The following CDH20 variants were observed in gnomAD, a reference collection of about 807,000 sequenced individuals.
CDH20 encodes cadherin-20.
Under a neutral mutation model 74.2 loss-of-function variants are expected in CDH20, and 29 were observed. That is an observed-to-expected ratio of 0.39 (90% CI 0.29 to 0.53). The LOEUF (loss-of-function observed/expected upper bound fraction) is 0.53. Among genes scored for constraint, CDH20 ranks in the 20% least tolerant of loss-of-function variants. CDH20 has a pLI of 0.69. For missense variants in CDH20, 988 were observed against 1,048.3 expected, an observed-to-expected ratio of 0.94 and a Z score of 0.79; for synonymous variants, 469 against 405.4, an observed-to-expected ratio of 1.16 and a Z score of -1.88.
intron 6 of CDH20, among the ~76,000 whole-genome samples, chr18:61,507,950 ATTAT>A (rs2144331338): frequency 6.6e-6 from 1 of 152,316 alleles, no homozygotes; most frequent in South Asian, 2.1e-4. Flanking sequence ...AAGCCATAAT[ATTAT>A]TTATGAATCA....
intron 1 of CDH20, among the ~76,000 whole-genome samples, chr18:61,441,059 T>C (rs758724957): frequency 6.6e-6 from 1 of 152,178 alleles, no homozygotes; most frequent in Admixed American, 6.5e-5. Flanking sequence ...ATAGTGAACA[T>C]TTACAGTAAA....
At chr18:61,450,033 C>T (rs561344442) in intron 1 of CDH20, among the ~76,000 whole-genome samples, 13 of 152,056 alleles carry the variant, frequency 8.5e-5, no homozygotes, top group South Asian at 8.3e-4. Flanking sequence ...ACGCAATCCC[C>T]GCAACAAATC....
At chr18:61,441,529 C>G (rs1037731206) in intron 1 of CDH20, among the ~76,000 whole-genome samples, 1 of 152,018 alleles carries the variant, frequency 6.6e-6, no homozygotes, top group Non-Finnish European at 1.5e-5. Flanking sequence ...TAAATATAGA[C>G]TTTACACACA....
At position 61,490,394 on chromosome 18, in the gene CDH20, C is replaced by T; in HGVS notation, c.-152-8C>T. 1.4e-6 allele frequency: 1 copy of T among 698,164 alleles called. No homozygotes were observed. The highest frequency in any genetic ancestry group is 2.4e-6 in the Non-Finnish European group (1 of 419,748). 43.2% of individuals were successfully genotyped at this position (698,164 alleles called of 1,614,324 possible). On this transcript the variant is annotated splice_region_variant and splice_polypyrimidine_tract_variant and intron_variant, in intron 1 of 11. Coordinates refer to ENST00000262717, the MANE Select transcript of CDH20 (RefSeq NM_031891.4). Reference sequence around the variant, plus strand: ...CATCATCACACTGTGTTTTCCTTAACTTGACAGGAAGTCAACTTCAAGCAG... The same window carrying T: ...CATCATCACACTGTGTTTTCCTTAATTTGACAGGAAGTCAACTTCAAGCAG...
At chr18:61,364,072 A>G (rs941331508) in intron 1 of CDH20, among the ~76,000 whole-genome samples, 5 of 152,152 alleles carry the variant, frequency 3.3e-5, no homozygotes, top group Non-Finnish European at 5.9e-5. Context: ...CTCTATCTTG[A>G]CGTTAAATTT....
At chr18:61,402,538 C>T (rs111284343) in intron 1 of CDH20, among the ~76,000 whole-genome samples, 171 of 152,282 alleles carry the variant, frequency 1.1e-3, no homozygotes, top group African/African-American at 4.0e-3. Context: ...ATGGCCTAAA[C>T]TACTCCCTGA....
chr18:61,495,472 A>C (rs922891846), intron 2 of CDH20, among the ~76,000 whole-genome samples: 1 of 152,096 alleles, frequency 6.6e-6, no homozygotes, highest in African/African-American at 2.4e-5. Flanking sequence ...CTCCTCTCCC[A>C]GGTAGGTTCT....
intron 2 of CDH20, among the ~76,000 whole-genome samples, chr18:61,492,659 C>T (rs1446983786): frequency 2.0e-5 from 3 of 152,196 alleles, no homozygotes; most frequent in African/African-American, 4.8e-5. Flanking sequence ...TACTGCTCCC[C>T]CATAATGAAA....
chr18:61,427,498 C>G (rs189798172), intron 1 of CDH20, among the ~76,000 whole-genome samples: 1 of 152,182 alleles, frequency 6.6e-6, no homozygotes, highest in African/African-American at 2.4e-5. Context: ...GAACTAACTA[C>G]AAACGTGGTC....
In CDH20 at chr18:61,536,599, C is replaced by T. The variant is rs758421470; in HGVS notation, c.1378C>T (p.His460Tyr). 3 of 1,613,816 alleles carry T rather than the reference C, an allele frequency of 1.9e-6. No individual in the cohort carries two copies. Among genetic ancestry groups the T allele is most frequent in the South Asian group, 2.2e-5 (2 of 91,050 alleles). Residue 460 changes from histidine (H) to tyrosine (Y), a missense_variant, in exon 8 of 12, where the codon CAT becomes TAT. His to Tyr is a moderately conservative substitution (Grantham distance 83). Transcript: ENST00000262717. ...RPLDREEFSW[H>Y]NITVLAMEMN... is the part of the protein sequence containing the mutation. ...CCTAGACCGGGAAGAATTTTCTTGG[C>T]ATAATATCACTGTCCTTGCTATGGA...
chr18:61,349,284 C>G (rs1000404119), intron 1 of CDH20, among the ~76,000 whole-genome samples: 4 of 152,266 alleles, frequency 2.6e-5, no homozygotes, highest in Admixed American at 2.6e-4. Context: ...TGAATTTAAG[C>G]CCTAGAGATT....
At chr18:61,500,908 G>A (rs963031926) in intron 4 of CDH20, among the ~76,000 whole-genome samples, 3 of 152,170 alleles carry the variant, frequency 2.0e-5, no homozygotes, top group Non-Finnish European at 4.4e-5. Flanking sequence ...GAGCCTTGGG[G>A]GAATCATCCA....
At chr18:61,412,335 G>A (rs888659212) in intron 1 of CDH20, among the ~76,000 whole-genome samples, 6 of 152,144 alleles carry the variant, frequency 3.9e-5, no homozygotes, top group South Asian at 2.1e-4. Context: ...ATTTTGTTAT[G>A]TTACAGAAAG....
intron 1 of CDH20, among the ~76,000 whole-genome samples, chr18:61,447,250 A>G (rs1909231710): frequency 6.6e-6 from 1 of 152,222 alleles, no homozygotes; most frequent in Non-Finnish European, 1.5e-5. Context: ...AATCCAAAGT[A>G]GAGTTTACCA....
chr18:61,442,066 A>G (rs1909049594), intron 1 of CDH20, among the ~76,000 whole-genome samples: 1 of 152,140 alleles, frequency 6.6e-6, no homozygotes, highest in Non-Finnish European at 1.5e-5. Context: ...AGGAAAATGC[A>G]AAACAAAACC....
Position 61,554,382 on chromosome 18 carries a change from G to T in CDH20, c.2093G>T (p.Arg698Leu), listed in dbSNP as rs751665923. 102 of 1,612,770 alleles carry T rather than the reference G, an allele frequency of 6.3e-5. No homozygotes were observed. Among genetic ancestry groups the T allele is most frequent in the Non-Finnish European group, 7.6e-5 (90 of 1,179,718 alleles). The change falls in exon 12 of 12, where the codon CGG (arginine) becomes CTG (leucine). Residue 698 changes from arginine to leucine, a missense_variant. Coordinates refer to ENST00000262717, the MANE Select transcript of CDH20 (RefSeq NM_031891.4). The part of the protein sequence containing the change: ...EAQAGAAPKT[R>L]QDMLPEIESL... ...CAGGCGGGGGCCGCCCCCAAGACGC[G>T]GCAGGACATGCTGCCCGAGATCGAG... is the stretch of plus-strand genomic sequence containing the variant.
At chr18:61,477,695 CCTT>C (rs1479535129) in intron 1 of CDH20, among the ~76,000 whole-genome samples, 16 of 152,088 alleles carry the variant, frequency 1.1e-4, no homozygotes, top group African/African-American at 2.9e-4. Flanking sequence ...ATAATTAGCT[CCTT>C]AAGATCCATC....
At chr18:61,457,109 CCT>C (rs1427247809) in intron 1 of CDH20, among the ~76,000 whole-genome samples, 2 of 152,014 alleles carry the variant, frequency 1.3e-5, no homozygotes, top group Non-Finnish European at 2.9e-5. Flanking sequence ...CTGCTTGAAA[CCT>C]CTGTTTTTTC....
intron 1 of CDH20, among the ~76,000 whole-genome samples, chr18:61,369,974 T>C (rs1015546204): frequency 3.3e-5 from 5 of 152,070 alleles, no homozygotes; most frequent in Admixed American, 1.3e-4. Context: ...CCAGGCTTAA[T>C]ACTTGGATGA....
Sources: allele counts gnomAD v4.1 joint callset (sites outside exome capture counted in the v4.1 genomes callset), GRCh38; gene constraint gnomAD v4.1.1; transcripts MANE v1.5; gene names NCBI Gene and HGNC (gene_info 2026-07-23, HGNC 2026-07-21).